The following SCD5 variants were observed in gnomAD, a reference collection of about 807,000 sequenced individuals.
The protein encoded by SCD5 is stearoyl-CoA desaturase 5, also known as acyl-CoA-desaturase 4.
In SCD5, 20 loss-of-function variants were observed where a neutral mutation model predicts 30.4. That is an observed-to-expected ratio of 0.66 (90% CI 0.46 to 0.96). The LOEUF is 0.96. Among genes scored for constraint, SCD5 ranks in the 40% least tolerant of loss-of-function variants. SCD5 has a pLI of 0.00. For synonymous variants in SCD5, 173 were observed against 176.4 expected (o/e 0.98, Z 0.16); for missense variants, 381 against 443.3 (o/e 0.86, Z 1.26).
chr4:82,751,868 G>C (rs1721109814), intron 1 of SCD5, among the ~76,000 whole-genome samples: 1 of 152,156 alleles, frequency 6.6e-6, no homozygotes, highest in Admixed American at 6.5e-5. Flanking sequence ...CTTGTGATCT[G>C]CCAGTTTCCG....
At chr4:82,744,840 T>C (rs1028716155) in intron 1 of SCD5, among the ~76,000 whole-genome samples, 2 of 151,290 alleles carry the variant, frequency 1.3e-5, no homozygotes, top group African/African-American at 2.4e-5. Flanking sequence ...GGAGAGAGAC[T>C]GGGTGGAGCG....
At chr4:82,666,052 C>T (rs878859151) in intron 3 of SCD5, among the ~76,000 whole-genome samples, 2 of 151,920 alleles carry the variant, frequency 1.3e-5, no homozygotes, top group Admixed American at 1.3e-4. Context: ...TTATATTATA[C>T]AGATTTCAAG....
intron 2 of SCD5, among the ~76,000 whole-genome samples, chr4:82,695,961 T>A (rs1188345628): frequency 6.6e-6 from 1 of 152,206 alleles, no homozygotes; most frequent in Non-Finnish European, 1.5e-5. Flanking sequence ...TAAGAGTCTT[T>A]ATTGCACACA....
chr4:82,656,144 A>AT (rs1727863162), intron 3 of SCD5, among the ~76,000 whole-genome samples: 1 of 152,124 alleles, frequency 6.6e-6, no homozygotes, highest in Non-Finnish European at 1.5e-5. Context: ...ACATTGCAGA[A>AT]TGTACAGATT....
intron 1 of SCD5, among the ~76,000 whole-genome samples, chr4:82,720,282 A>T (rs1166595596): frequency 6.6e-6 from 1 of 151,624 alleles, no homozygotes; most frequent in African/African-American, 2.4e-5. Context: ...TTTTTTTAAA[A>T]ATTAGTTGGG....
intron 1 of SCD5, among the ~76,000 whole-genome samples, chr4:82,777,231 T>C (rs1721762080): frequency 6.6e-6 from 1 of 152,240 alleles, no homozygotes; most frequent in Non-Finnish European, 1.5e-5. Flanking sequence ...AAGTTACTTG[T>C]CTGAGGTCAC....
rs188826510 is a variant in SCD5 at position 82,736,786 on chromosome 4, C to T, written c.233-31373G>A. Among the ~76,000 whole-genome samples the T allele has an allele frequency of 1.3e-4, 20 of 152,056 alleles. No homozygotes were observed. In the East Asian group the frequency reaches 3.7e-3, roughly 28 times the overall value. ...CAAGAGATCTTCCCACCTTAACCTC[C>T]TGAGTAGCTGGAACTACAGATGCAT... On this transcript the variant is annotated intron_variant, in intron 1 of 4. Transcript: ENST00000319540.
At chr4:82,746,943 C>T (rs1056660488) in intron 1 of SCD5, among the ~76,000 whole-genome samples, 7 of 84,586 alleles carry the variant, frequency 8.3e-5, no homozygotes, top group Non-Finnish European at 2.0e-4. Context: ...TAAGTGGACG[C>T]AGACACAAGG....
chr4:82,660,892 G>A, intron 3 of SCD5: 2 of 1,614,002 alleles, frequency 1.2e-6, no homozygotes, highest in Non-Finnish European at 1.7e-6. Context: ...TACCTCCAGG[G>A]ACACAGAAAG....
At chr4:82,632,979 T>C (rs1727352981) in intron 4 of SCD5, among the ~76,000 whole-genome samples, 1 of 152,340 alleles carries the variant, frequency 6.6e-6, no homozygotes, top group South Asian at 2.1e-4. Flanking sequence ...CACACACTTA[T>C]GTTTTTGTGG....
At chr4:82,720,277 T>A (rs902255475) in intron 1 of SCD5, among the ~76,000 whole-genome samples, 1 of 151,346 alleles carries the variant, frequency 6.6e-6, no homozygotes, top group Non-Finnish European at 1.5e-5. Flanking sequence ...AAAAATTTTT[T>A]TAAAAATTAG....
intron 1 of SCD5, among the ~76,000 whole-genome samples, chr4:82,740,273 G>A (rs1190656222): frequency 6.6e-6 from 1 of 152,226 alleles, no homozygotes; most frequent in African/African-American, 2.4e-5. Context: ...CCTGGAACCT[G>A]AAGGCGAGGT....
intron 1 of SCD5, among the ~76,000 whole-genome samples, chr4:82,749,134 G>A (rs1455940305): frequency 1.3e-5 from 2 of 152,188 alleles, no homozygotes; most frequent in Non-Finnish European, 2.9e-5. Flanking sequence ...GCCAAGGCAA[G>A]CTAGTTTTAT....
Position 82,635,548 on chromosome 4 carries a change from G to T in SCD5, c.802+1043C>A, listed in dbSNP as rs565301728. Among the ~76,000 whole-genome samples, 27 of 151,238 alleles carry T rather than the reference G, an allele frequency of 1.8e-4. No homozygotes were observed. In the East Asian group the frequency reaches 5.3e-3, roughly 30 times the overall value. On this transcript the variant is annotated intron_variant, in intron 4 of 4. Transcript: ENST00000319540. Reference sequence around the variant, plus strand: ...AGGCAGGAGAATGGCGTGAACCTGGGAGGCAGAGCTTGCAGTGAGCCAAGA... The same window carrying T: ...AGGCAGGAGAATGGCGTGAACCTGGTAGGCAGAGCTTGCAGTGAGCCAAGA...
chr4:82,735,761 T>C (rs1720736837), intron 1 of SCD5, among the ~76,000 whole-genome samples: 1 of 152,246 alleles, frequency 6.6e-6, no homozygotes, highest in South Asian at 2.1e-4. Context: ...TATTTCCATT[T>C]TTAATAGAAG....
chr4:82,781,226 G>A (rs1721865244), intron 1 of SCD5, among the ~76,000 whole-genome samples: 1 of 152,010 alleles, frequency 6.6e-6, no homozygotes, highest in South Asian at 2.1e-4. Flanking sequence ...ACCAGCCTGG[G>A]CAACATGGTG....
intron 1 of SCD5, among the ~76,000 whole-genome samples, chr4:82,717,847 C>T (rs1720261768): frequency 6.6e-6 from 1 of 151,552 alleles, no homozygotes; most frequent in African/African-American, 2.4e-5. Flanking sequence ...ACCCAGGAGG[C>T]AGAGGTTGCA....
intron 1 of SCD5, among the ~76,000 whole-genome samples, chr4:82,735,594 A>C (rs1303419240): frequency 6.6e-6 from 1 of 152,226 alleles, no homozygotes; most frequent in South Asian, 2.1e-4. Flanking sequence ...TTTCAACTGC[A>C]TGGTGGAAGG....
At chr4:82,656,261 A>C (rs2148815781) in intron 3 of SCD5, among the ~76,000 whole-genome samples, 1 of 151,364 alleles carries the variant, frequency 6.6e-6, no homozygotes, top group Non-Finnish European at 1.5e-5. Flanking sequence ...TCCCCCCACA[A>C]CCCCCCAACA....
Sources: gnomAD v4.1 joint callset for allele counts (sites outside exome capture counted in the v4.1 genomes callset) on GRCh38, gnomAD v4.1.1 for gene constraint, MANE v1.5 for transcripts, NCBI Gene and HGNC (gene_info 2026-07-23, HGNC 2026-07-21) for gene names.